The following HUWE1 variants were observed in gnomAD, a reference collection of about 807,000 sequenced individuals.
HUWE1 encodes HECT, UBA and WWE domain containing E3 ubiquitin protein ligase 1.
HUWE1 carries 18 observed loss-of-function variants against 299.4 expected under a neutral mutation model. The observed-to-expected ratio is 0.06, with a 90% CI of 0.04 to 0.09. The LOEUF is 0.09. Ranked by LOEUF, HUWE1 falls within the 10% of genes least tolerant of loss-of-function variation. The probability of loss-of-function intolerance (pLI) is 1.00; values close to 1 mark genes in which losing one functional copy is unlikely to be tolerated. For synonymous variants in HUWE1, 1,317 were observed against 1,286.1 expected (o/e 1.02, Z -0.51); for missense variants, 1,832 against 3,462.3 (o/e 0.53, Z 11.82).
At chrX:53,587,060 T>G in intron 37 of HUWE1, 151 bp from the exon 38 acceptor site, 2 of 646,723 alleles carry the variant, frequency 3.1e-6, no homozygotes, top group Non-Finnish European at 4.8e-6. Flanking sequence ...TTACCAGTTG[T>G]GTAATCTAAG....
intron 55 of HUWE1, 98 bp from the exon 56 acceptor site, chrX:53,560,514 G>A: frequency 2.8e-6 from 2 of 715,800 alleles, no homozygotes; most frequent in Non-Finnish European, 4.2e-6. Context: ...TTCCTCACAC[G>A]GAAACCTGAG....
chrX:53,611,745 C>A (rs1286362838), intron 23 of HUWE1, among the ~76,000 whole-genome samples: 1 of 109,413 alleles, frequency 9.1e-6, no homozygotes, highest in Non-Finnish European at 1.9e-5. Context: ...GTAATCCCAG[C>A]TACTCAGGAG....
intron 60 of HUWE1, chrX:53,557,181 A>T (rs1167411705): frequency 1.6e-5 from 9 of 551,767 alleles, no homozygotes; most frequent in Non-Finnish European, 3.0e-5. Context: ...GTCGGAGAAG[A>T]AGTGTACCAC....
chrX:53,636,241 A>G (rs2067201262), intron 7 of HUWE1, among the ~76,000 whole-genome samples: 1 of 112,906 alleles, frequency 8.9e-6, no homozygotes. Context: ...GAATGCTGTC[A>G]GTGAAAATGG....
At chrX:53,578,727 G>A (rs1201342460) in intron 43 of HUWE1, among the ~76,000 whole-genome samples, 1 of 72,280 alleles carries the variant, frequency 1.4e-5, no homozygotes, top group South Asian at 8.4e-4. Context: ...GGAGGTGAGG[G>A]GCGCCTCTGC....
chrX:53,674,910 A>G (rs1221949679), intron 3 of HUWE1, among the ~76,000 whole-genome samples: 1 of 112,189 alleles, frequency 8.9e-6, no homozygotes, highest in Non-Finnish European at 1.9e-5. Flanking sequence ...CAAGTAACAT[A>G]GCTACTAAGT....
intron 33 of HUWE1, 95 bp downstream of exon 33, chrX:53,592,303 A>G: frequency 3.2e-6 from 2 of 619,812 alleles, no homozygotes; most frequent in Non-Finnish European, 5.5e-6. Flanking sequence ...TAATGTGACC[A>G]GGGACTCAGT....
chrX:53,595,780 A>G (rs1298268179), intron 29 of HUWE1, among the ~76,000 whole-genome samples: 1 of 112,369 alleles, frequency 8.9e-6, no homozygotes, highest in Non-Finnish European at 1.9e-5. Flanking sequence ...TTAGATAAGA[A>G]AAGATCACTG....
At chrX:53,668,226 G>T (rs1386814683) in intron 3 of HUWE1, among the ~76,000 whole-genome samples, 2 of 110,070 alleles carry the variant, frequency 1.8e-5, no homozygotes, top group Non-Finnish European at 1.9e-5. Context: ...GGTGGATCAT[G>T]ACATCAGGAG....
In HUWE1 at chrX:53,591,032, G is replaced by C; in HGVS notation, c.4063C>G (p.His1355Asp). 1 of 1,210,730 alleles carries C rather than the reference G, an allele frequency of 8.3e-7. No homozygotes were observed. The highest frequency in any genetic ancestry group is 1.1e-6 in the Non-Finnish European group (1 of 894,946). Reference sequence around the variant, plus strand: ...ACTCCTCCCATGATTGGAGGAGGGTGGGTTAAAAGGTACTCTGTGGCCTGC... The same window carrying C: ...ACTCCTCCCATGATTGGAGGAGGGTCGGTTAAAAGGTACTCTGTGGCCTGC... The part of the protein sequence containing the change: ...MEQATEYLLT[H>D]PPPIMGGVVR... Residue 1355 changes from histidine to aspartate, a missense_variant, in exon 34 of 84, where the codon CAC becomes GAC. His to Asp is a moderately conservative substitution (Grantham distance 81). Coordinates refer to ENST00000262854, the MANE Select transcript of HUWE1 (RefSeq NM_031407.7).
intron 15 of HUWE1, among the ~76,000 whole-genome samples, chrX:53,628,162 C>T (rs1194673637): frequency 9.0e-6 from 1 of 111,141 alleles, no homozygotes; most frequent in Non-Finnish European, 1.9e-5. Context: ...GCTATTACTA[C>T]TACAACACAA....
At position 53,573,896 on chromosome X, in the gene HUWE1, T is replaced by C; in HGVS notation, c.6166A>G (p.Lys2056Glu). The change falls in exon 47 of 84, where the codon AAA becomes GAA. Residue 2056 changes from lysine (K) to glutamate (E), a missense_variant. Physicochemically the swap from Lys to Glu is moderately conservative, Grantham distance 56 (BLOSUM62 1). Transcript: ENST00000262854. The stretch of plus-strand genomic sequence containing the variant: ...GGTTTGCTGCCCTTGCCTTTCTGTT[T>C]GCCTTCCTCAGAGGCCCGGTCCCCT... ...KEGDRASEEG[K>E]QKGKGSKPLM... 1.7e-6 allele frequency: 2 copies of C among 1,211,786 alleles called. No individual in the cohort carries two copies. Among genetic ancestry groups the C allele is most frequent in the Non-Finnish European group, 2.2e-6 (2 of 895,411 alleles).
At chrX:53,615,110 G>C (rs954315918) in intron 22 of HUWE1, among the ~76,000 whole-genome samples, 1 of 109,656 alleles carries the variant, frequency 9.1e-6, no homozygotes, top group Non-Finnish European at 1.9e-5. Flanking sequence ...ATCAACAAAC[G>C]GAGACTAGAA....
At chrX:53,677,380 G>A (rs1009380617) in intron 3 of HUWE1, among the ~76,000 whole-genome samples, 2 of 110,197 alleles carry the variant, frequency 1.8e-5, no homozygotes, top group African/African-American at 3.3e-5. Flanking sequence ...CTATAAGGCA[G>A]GCAGTATTAT....
intron 21 of HUWE1, among the ~76,000 whole-genome samples, chrX:53,616,723 C>A (rs2065825990): frequency 9.0e-6 from 1 of 111,623 alleles, no homozygotes; most frequent in African/African-American, 3.3e-5. Flanking sequence ...TGGAAATCTA[C>A]CACTGCTTCT....
intron 49 of HUWE1, among the ~76,000 whole-genome samples, chrX:53,567,899 C>T (rs1253247292): frequency 9.0e-6 from 1 of 111,347 alleles, no homozygotes; most frequent in African/African-American, 3.3e-5. Context: ...GTTTAAACTG[C>T]TTCAATAAGC....
At chrX:53,631,270 A>T in intron 11 of HUWE1, 144 bp downstream of exon 11, 1 of 519,247 alleles carries the variant, frequency 1.9e-6, no homozygotes, top group Non-Finnish European at 3.3e-6. Context: ...AAGGAAACTA[A>T]GGCTCAGAGA....
intron 61 of HUWE1, 44 bp from the exon 62 acceptor site, chrX:53,552,937 C>A (rs1248142574): frequency 2.5e-6 from 3 of 1,201,268 alleles, no homozygotes; most frequent in East Asian, 3.0e-5. Context: ...TATCTGGAAC[C>A]GGGGCAAAAT....
At chrX:53,621,231 T>C (rs1022682916) in intron 19 of HUWE1, among the ~76,000 whole-genome samples, 33 of 110,299 alleles carry the variant, frequency 3.0e-4, no homozygotes, top group Non-Finnish European at 5.3e-4. Context: ...TGAAAATATC[T>C]TTGTGGAATA....
Sources: gnomAD v4.1 joint callset for allele counts (sites outside exome capture counted in the v4.1 genomes callset) on GRCh38, gnomAD v4.1.1 for gene constraint, MANE v1.5 for transcripts, NCBI Gene and HGNC (gene_info 2026-07-23, HGNC 2026-07-21) for gene names.